TMPRSS11E: variants seen among roughly 807,000 people sequenced by gnomAD.
TMPRSS11E encodes transmembrane protease serine 11E.
TMPRSS11E carries 38 observed loss-of-function variants against 48.1 expected under a neutral mutation model. The ratio of observed to expected loss-of-function variants is 0.79; its 90% CI spans 0.61 to 1.04. The LOEUF (loss-of-function observed/expected upper bound fraction) is 1.04, where lower values mean the gene tolerates loss of function less well. TMPRSS11E is among the 50% of genes least tolerant of loss of function. The pLI is 0.00. For missense variants in TMPRSS11E, 530 were observed against 510.8 expected, an observed-to-expected ratio of 1.04 and a Z score of -0.36; for synonymous variants, 158 against 171.9, an observed-to-expected ratio of 0.92 and a Z score of 0.63.
intron 1 of TMPRSS11E, among the ~76,000 whole-genome samples, chr4:68,449,606 C>T (rs1041493452): frequency 2.0e-5 from 3 of 151,800 alleles, no homozygotes; most frequent in African/African-American, 7.2e-5. Flanking sequence ...CTCCAGCTCT[C>T]ATCCCAGAAA....
intron 2 of TMPRSS11E, among the ~76,000 whole-genome samples, chr4:68,463,335 G>A (rs1202585632): frequency 6.6e-6 from 1 of 151,962 alleles, no homozygotes; most frequent in African/African-American, 2.4e-5. Flanking sequence ...CGGAGTCTTG[G>A]TCTGTTCCCA....
intron 1 of TMPRSS11E, among the ~76,000 whole-genome samples, chr4:68,451,445 G>A (rs577220192): frequency 3.3e-5 from 5 of 151,816 alleles, no homozygotes; most frequent in Non-Finnish European, 7.4e-5. Context: ...TACACACATG[G>A]CCTGTGTGGT....
chr4:68,487,453 T>A (rs1273130634), intron 9 of TMPRSS11E, among the ~76,000 whole-genome samples: 1 of 152,070 alleles, frequency 6.6e-6, no homozygotes, highest in East Asian at 1.9e-4. Context: ...GATTTCGCTA[T>A]GTTGGCCAGG....
At chr4:68,459,600 T>C (rs981073344) in intron 1 of TMPRSS11E, among the ~76,000 whole-genome samples, 2 of 152,200 alleles carry the variant, frequency 1.3e-5, no homozygotes, top group African/African-American at 4.8e-5. Context: ...TTAACCTTTT[T>C]AATGTTAATA....
At chr4:68,469,327 T>A (rs936947316) in intron 4 of TMPRSS11E, among the ~76,000 whole-genome samples, 33 of 151,950 alleles carry the variant, frequency 2.2e-4, no homozygotes, top group African/African-American at 7.7e-4. Context: ...TATTAATCAA[T>A]CTTCTTTATC....
At chr4:68,467,400 C>A (rs1728956280) in intron 3 of TMPRSS11E, among the ~76,000 whole-genome samples, 1 of 152,082 alleles carries the variant, frequency 6.6e-6, no homozygotes, top group Admixed American at 6.6e-5. Flanking sequence ...TAAGTGGTAA[C>A]TTCTTGTCAT....
Position 68,481,637 on chromosome 4 carries a change from C to G in TMPRSS11E, c.1110+2646C>G, listed in dbSNP as rs531448484. Among the ~76,000 whole-genome samples the G allele has an allele frequency of 1.6e-4, 25 of 152,200 alleles. No individual in the cohort carries two copies. The South Asian group carries it at 5.0e-3, about 30-fold the overall frequency. On this transcript the variant is annotated intron_variant, in intron 9 of 9. Transcript: ENST00000305363. ...AGTGTCTGTTCCTGTCTGTATTAGGCTGTTCTTACACTGCTATAAAAAAAT... is the reference window on the plus strand; with the variant it reads ...AGTGTCTGTTCCTGTCTGTATTAGGGTGTTCTTACACTGCTATAAAAAAAT...
At chr4:68,495,304 T>C (rs1188308903) in intron 9 of TMPRSS11E, among the ~76,000 whole-genome samples, 1 of 152,098 alleles carries the variant, frequency 6.6e-6, no homozygotes, top group Non-Finnish European at 1.5e-5. Flanking sequence ...AAAATAATTA[T>C]TTATTCTCGG....
rs767081651 is a variant in TMPRSS11E, at chr4:68,466,692, TG to T, written c.199del (p.Glu67SerfsTer13). 1 of 1,613,614 alleles carries T rather than the reference TG, an allele frequency of 6.2e-7. No individual in the cohort carries two copies. Among genetic ancestry groups the T allele is most frequent in the South Asian group, 1.1e-5 (1 of 91,060 alleles). ...LSFTTDKLYA[E>X]FGREASNNFT... ...CATTTACAACTGACAAACTATATGC[TG>T]AGTTTGGCAGAGAGGCTTCTAACAA... is the stretch of plus-strand genomic sequence containing the variant. On this transcript the variant is annotated frameshift_variant, in exon 3 of 10. Coordinates refer to ENST00000305363, the MANE Select transcript of TMPRSS11E (RefSeq NM_014058.4). LOFTEE classifies it high-confidence loss of function.
At chr4:68,491,774 G>A (rs1729730081) in intron 9 of TMPRSS11E, among the ~76,000 whole-genome samples, 1 of 152,116 alleles carries the variant, frequency 6.6e-6, no homozygotes, top group Admixed American at 6.5e-5. Context: ...GTTACTCTGT[G>A]TGCTTTCTAA....
At position 68,461,949 on chromosome 4, in the gene TMPRSS11E, A is replaced by G; in HGVS notation, c.136+4A>G. 2 of 1,614,106 alleles carry G rather than the reference A, an allele frequency of 1.2e-6. No homozygotes were observed. Among genetic ancestry groups the G allele is most frequent in the South Asian group, 1.1e-5 (1 of 91,070 alleles). ...ACTGTTCATTATGTGAGATATAGTA[A>G]GTATAAGCTGCCTTGGCATCATGTG... On this transcript the variant is annotated splice_donor_region_variant and intron_variant, in intron 2 of 9. Coordinates refer to ENST00000305363, the MANE Select transcript of TMPRSS11E (RefSeq NM_014058.4).
chr4:68,487,309 A>G (rs2109714852), intron 9 of TMPRSS11E, among the ~76,000 whole-genome samples: 1 of 151,768 alleles, frequency 6.6e-6, no homozygotes, highest in East Asian at 1.9e-4. Context: ...CTGGAGTGCA[A>G]AGGTGCAATC....
chr4:68,471,197 A>G (rs1230140436), intron 4 of TMPRSS11E, among the ~76,000 whole-genome samples: 1 of 151,742 alleles, frequency 6.6e-6, no homozygotes, highest in Non-Finnish European at 1.5e-5. Flanking sequence ...TAAAGAAAAA[A>G]GCAGATTGTG....
chr4:68,473,186 T>C (rs926444672), intron 5 of TMPRSS11E, among the ~76,000 whole-genome samples: 1 of 152,100 alleles, frequency 6.6e-6, no homozygotes, highest in Non-Finnish European at 1.5e-5. Flanking sequence ...TGGATTTCCC[T>C]ATCTTTCTCT....
At chr4:68,450,063 A>T (rs1728451970) in intron 1 of TMPRSS11E, among the ~76,000 whole-genome samples, 1 of 151,854 alleles carries the variant, frequency 6.6e-6, no homozygotes, top group Non-Finnish European at 1.5e-5. Context: ...TTAATGTAGC[A>T]GTGTTACCCT....
At chr4:68,495,729 T>C (rs905348060) in intron 9 of TMPRSS11E, among the ~76,000 whole-genome samples, 7 of 152,190 alleles carry the variant, frequency 4.6e-5, no homozygotes, top group Admixed American at 1.3e-4. Flanking sequence ...ATTCGGGGTC[T>C]GCCACTGATT....
At chr4:68,454,933 T>C (rs554274649) in intron 1 of TMPRSS11E, among the ~76,000 whole-genome samples, 1 of 152,004 alleles carries the variant, frequency 6.6e-6, no homozygotes, top group Admixed American at 6.6e-5. Context: ...TATGACCATC[T>C]TGTGTTGGAA....
At chr4:68,489,490 T>C (rs957015460) in intron 9 of TMPRSS11E, among the ~76,000 whole-genome samples, 16 of 152,100 alleles carry the variant, frequency 1.1e-4, no homozygotes, top group Non-Finnish European at 1.5e-5. Flanking sequence ...GCATGCGTGC[T>C]GGTGGTGGGG....
intron 1 of TMPRSS11E, among the ~76,000 whole-genome samples, chr4:68,460,119 A>T (rs1303865751): frequency 2.6e-5 from 4 of 152,192 alleles, no homozygotes; most frequent in Admixed American, 2.6e-4. Context: ...GGAACAAGGC[A>T]GGAGAACAAG....
Sources: gnomAD v4.1 joint callset for allele counts (sites outside exome capture counted in the v4.1 genomes callset) on GRCh38, gnomAD v4.1.1 for gene constraint, MANE v1.5 for transcripts, NCBI Gene and HGNC (gene_info 2026-07-23, HGNC 2026-07-21) for gene names.